The following CYTH3 variants were observed in gnomAD, a reference collection of about 807,000 sequenced individuals.
The protein encoded by CYTH3 is cytohesin-3.
In CYTH3, 23 loss-of-function variants were observed where a neutral mutation model predicts 55.1. The ratio of observed to expected loss-of-function variants is 0.42; its 90% CI spans 0.30 to 0.59. The LOEUF is 0.59. Among genes scored for constraint, CYTH3 ranks in the 20% least tolerant of loss-of-function variants. CYTH3 has a pLI of 0.20. For synonymous variants in CYTH3, 249 were observed against 194.9 expected (o/e 1.28, Z -2.31); for missense variants, 413 against 524.8 (o/e 0.79, Z 2.08).
At chr7:6,229,736 GA>G (rs1240558949) in intron 1 of CYTH3, among the ~76,000 whole-genome samples, 1 of 150,858 alleles carries the variant, frequency 6.6e-6, no homozygotes, top group African/African-American at 2.4e-5. Context: ...AGAGACACTT[GA>G]ACCCGGGAGG....
chr7:6,194,081 G>A lies in CYTH3; in HGVS notation c.35-3550C>T, dbSNP rs575485188. Reference sequence around the variant, plus strand: ...TCAACACGGCCTTCTGCTGCACTCAGAGCTTCTAATACACTTTTTACTTCT... The same window carrying A: ...TCAACACGGCCTTCTGCTGCACTCAAAGCTTCTAATACACTTTTTACTTCT... On this transcript the variant is annotated intron_variant, in intron 1 of 12. Transcript: ENST00000350796. 2.2e-3 allele frequency among the ~76,000 whole-genome samples: 332 copies of A among 152,282 alleles called. 1 individual carries two copies. Among genetic ancestry groups the A allele is most frequent in the African/African-American group, 7.7e-3 (322 of 41,550 alleles).
chr7:6,244,500 C>T (rs992049867), intron 1 of CYTH3, among the ~76,000 whole-genome samples: 2 of 152,150 alleles, frequency 1.3e-5, no homozygotes, highest in Non-Finnish European at 1.5e-5. Flanking sequence ...ACAGGGTCTT[C>T]GTCACCCATG....
chr7:6,244,418 A>T (rs557848400), intron 1 of CYTH3, among the ~76,000 whole-genome samples: 1 of 152,368 alleles, frequency 6.6e-6, no homozygotes, highest in Admixed American at 6.5e-5. Context: ...GTAGAATCCA[A>T]AAACAAACTG....
chr7:6,179,673 A>C (rs1583749119), intron 4 of CYTH3, among the ~76,000 whole-genome samples: 3 of 73,752 alleles, frequency 4.1e-5, no homozygotes, highest in Non-Finnish European at 7.3e-5. Context: ...CCCCACACAC[A>C]CACCACACAC....
At chr7:6,166,546 C>A (rs1365444553) in intron 9 of CYTH3, among the ~76,000 whole-genome samples, 1 of 152,198 alleles carries the variant, frequency 6.6e-6, no homozygotes, top group East Asian at 1.9e-4. Context: ...AGGGGAGTAG[C>A]CCTCCCTCCC....
chr7:6,253,675 G>C (rs1008727594), intron 1 of CYTH3, among the ~76,000 whole-genome samples: 9 of 152,248 alleles, frequency 5.9e-5, no homozygotes, highest in East Asian at 1.9e-4. Context: ...AATTAGCCGG[G>C]CGTGGTAGTA....
In CYTH3 at chr7:6,251,760, A is replaced by G. The variant is rs58570609; in HGVS notation, c.34+20714T>C. 6.2e-3 allele frequency among the ~76,000 whole-genome samples: 941 copies of G among 152,324 alleles called. 8 individuals are homozygous for G. The highest frequency in any genetic ancestry group is 0.021 in the African/African-American group (892 of 41,578). On this transcript the variant is annotated intron_variant, in intron 1 of 12. Coordinates refer to ENST00000350796, the MANE Select transcript of CYTH3 (RefSeq NM_004227.4). ...TCTAAAAATAGAGTACAGGACTTCA[A>G]AGAGGCCTGTCCATAAAATCAAATC... is the stretch of plus-strand genomic sequence containing the variant.
intron 4 of CYTH3, among the ~76,000 whole-genome samples, chr7:6,180,066 G>A (rs1256704233): frequency 6.6e-6 from 1 of 152,226 alleles, no homozygotes; most frequent in African/African-American, 2.4e-5. Context: ...AGGAAAACAA[G>A]TGAGGCCGGT....
chr7:6,235,300 A>G (rs1779490676), intron 1 of CYTH3, among the ~76,000 whole-genome samples: 1 of 152,014 alleles, frequency 6.6e-6, no homozygotes, highest in Non-Finnish European at 1.5e-5. Flanking sequence ...AAGTGGTGAA[A>G]CCGATGTCTC....
chr7:6,223,528 C>T (rs922861082), intron 1 of CYTH3, among the ~76,000 whole-genome samples: 3 of 152,136 alleles, frequency 2.0e-5, no homozygotes, highest in African/African-American at 7.2e-5. Context: ...AATCTATAAC[C>T]TTACCCCCAA....
intron 1 of CYTH3, among the ~76,000 whole-genome samples, chr7:6,229,977 A>G (rs1242232413): frequency 6.6e-6 from 1 of 152,060 alleles, no homozygotes; most frequent in African/African-American, 2.4e-5. Flanking sequence ...TCCACTAAAA[A>G]TACAAAGTCA....
intron 6 of CYTH3, 69 bp downstream of exon 6, chr7:6,173,584 A>G (rs1783256926): frequency 1.0e-6 from 1 of 990,942 alleles, no homozygotes; most frequent in Non-Finnish European, 1.6e-6. Context: ...ATTCACCGCC[A>G]CTGCTGCCCA....
chr7:6,188,102 G>T (rs555363061), intron 2 of CYTH3, among the ~76,000 whole-genome samples: 1 of 152,232 alleles, frequency 6.6e-6, no homozygotes, highest in African/African-American at 2.4e-5. Flanking sequence ...TGAAGCAGAG[G>T]GATCGCTTGA....
At chr7:6,259,817 T>TATATATATA (rs1780296407) in intron 1 of CYTH3, among the ~76,000 whole-genome samples, 11 of 26,104 alleles carry the variant, frequency 4.2e-4, no homozygotes, top group African/African-American at 4.1e-3. Context: ...ATATATAATA[T>TATATATATA]ATATATATAT....
At chr7:6,210,560 A>C (rs1328347648) in intron 1 of CYTH3, among the ~76,000 whole-genome samples, 3 of 152,266 alleles carry the variant, frequency 2.0e-5, no homozygotes, top group Non-Finnish European at 2.9e-5. Context: ...TTGGGAAGAT[A>C]AAAACATTTT....
chr7:6,246,442 C>T (rs1032809073), intron 1 of CYTH3, among the ~76,000 whole-genome samples: 2 of 151,274 alleles, frequency 1.3e-5, no homozygotes, highest in Admixed American at 1.3e-4. Flanking sequence ...ATGACCTTAT[C>T]CTGTGATCAA....
At chr7:6,221,649 T>C (rs189974091) in intron 1 of CYTH3, among the ~76,000 whole-genome samples, 2 of 152,282 alleles carry the variant, frequency 1.3e-5, no homozygotes, top group African/African-American at 4.8e-5. Context: ...GGAACCTTTA[T>C]GTACTGTTAT....
chr7:6,173,528 A>G, intron 6 of CYTH3, 125 bp downstream of exon 6: 2 of 710,102 alleles, frequency 2.8e-6, no homozygotes, highest in Non-Finnish European at 5.2e-6. Context: ...CCGGAAAAGG[A>G]GCCAGCATCT....
intron 1 of CYTH3, among the ~76,000 whole-genome samples, chr7:6,222,559 A>G (rs992266076): frequency 7.2e-5 from 11 of 152,112 alleles, no homozygotes; most frequent in African/African-American, 2.7e-4. Context: ...ATCCTGGTTA[A>G]TACAGTGAAA....
Sources: allele counts gnomAD v4.1 joint callset (sites outside exome capture counted in the v4.1 genomes callset), GRCh38; gene constraint gnomAD v4.1.1; transcripts MANE v1.5; gene names NCBI Gene and HGNC (gene_info 2026-07-23, HGNC 2026-07-21).